Variants in MCUB observed in about 807,000 individuals in gnomAD.
MCUB encodes mitochondrial calcium uniporter dominant negative subunit beta.
Under a neutral mutation model 41.4 loss-of-function variants are expected in MCUB, and 46 were observed. That is an observed-to-expected ratio of 1.11 (90% confidence interval 0.88 to 1.42). MCUB has a LOEUF of 1.42. MCUB is among the 40% of genes most tolerant of loss of function. The probability of loss-of-function intolerance (pLI) is 0.00; values close to 1 mark genes in which losing one functional copy is unlikely to be tolerated. For synonymous variants in MCUB, 148 were observed against 148.2 expected, an observed-to-expected ratio of 1.00 and a Z score of 0.01; for missense variants, 403 against 404.9, an observed-to-expected ratio of 1.00 and a Z score of 0.04.
chr4:109,663,357 A>G (rs752620630), intron 3 of MCUB, among the ~76,000 whole-genome samples: 7 of 152,276 alleles, frequency 4.6e-5, no homozygotes, highest in Admixed American at 2.0e-4. Context: ...GTTCAAAAAT[A>G]TAACAAAACC....
intron 1 of MCUB, among the ~76,000 whole-genome samples, chr4:109,564,111 G>T (rs1018308512): frequency 6.6e-6 from 1 of 151,990 alleles, no homozygotes; most frequent in Non-Finnish European, 1.5e-5. Flanking sequence ...ATTTATTTCT[G>T]CTTATAGGCT....
At chr4:109,666,771 G>C (rs547730889) in intron 4 of MCUB, among the ~76,000 whole-genome samples, 1 of 152,230 alleles carries the variant, frequency 6.6e-6, no homozygotes, top group South Asian at 2.1e-4. Context: ...ATTGCCCTCT[G>C]TTCCTGGTTT....
chr4:109,580,998 A>G (rs1038398192), intron 1 of MCUB, among the ~76,000 whole-genome samples: 1 of 152,222 alleles, frequency 6.6e-6, no homozygotes, highest in East Asian at 1.9e-4. Flanking sequence ...CAATCTACCA[A>G]TGACTTTCTT....
chr4:109,620,541 G>A (rs1410949420), intron 1 of MCUB, among the ~76,000 whole-genome samples: 4 of 150,020 alleles, frequency 2.7e-5, no homozygotes, highest in Non-Finnish European at 5.9e-5. Context: ...GAAGATAAGC[G>A]TTTGCTGAGA....
chr4:109,636,755 A>G (rs1728604197), intron 1 of MCUB, among the ~76,000 whole-genome samples: 1 of 152,184 alleles, frequency 6.6e-6, no homozygotes, highest in Non-Finnish European at 1.5e-5. Flanking sequence ...GAATCGCTTG[A>G]ACCTGGGAGG....
intron 1 of MCUB, among the ~76,000 whole-genome samples, chr4:109,584,962 T>C (rs1258749630): frequency 2.0e-5 from 3 of 152,206 alleles, no homozygotes; most frequent in African/African-American, 7.2e-5. Context: ...AGGTGTCTAT[T>C]AGGTCTGCTT....
At position 109,684,593 on chromosome 4, in the gene MCUB, A is replaced by G. The variant is rs1053680; in HGVS notation, c.763A>G (p.Ile255Val). 11,606 of 1,600,650 alleles carry G rather than the reference A, an allele frequency of 7.3e-3. 741 individuals are homozygous for G. In the African/African-American group the frequency reaches 0.14, roughly 19 times the overall value. ...WDIMEPVTYF[I>V]TFANSMVFFA... ...TATCATGGAGCCAGTTACATACTTC[A>G]TCACATTTGCAAATTCTATGGTCTT... Residue 255 changes from isoleucine (I) to valine (V), a missense_variant, in exon 6 of 8, where the codon ATC becomes GTC. Transcript: ENST00000394650.
At chr4:109,657,562 G>GCC (rs5860985) in intron 1 of MCUB, among the ~76,000 whole-genome samples, 1,923 of 152,284 alleles carry the variant, frequency 0.013, 38 homozygotes, top group African/African-American at 0.044. Flanking sequence ...ACTGTAAGGT[G>GCC]ATGCATTAAA....
intron 1 of MCUB, among the ~76,000 whole-genome samples, chr4:109,620,635 A>G (rs1356555596): frequency 2.6e-5 from 4 of 151,814 alleles, no homozygotes; most frequent in Non-Finnish European, 5.9e-5. Flanking sequence ...CTGTGCATTA[A>G]TGATCCTATG....
At chr4:109,612,505 A>G (rs1368689711) in intron 1 of MCUB, among the ~76,000 whole-genome samples, 1 of 151,904 alleles carries the variant, frequency 6.6e-6, no homozygotes, top group African/African-American at 2.4e-5. Flanking sequence ...ACCTCAGGTG[A>G]TCTGACTGCC....
chr4:109,662,766 T>A (rs1236112184), intron 3 of MCUB, among the ~76,000 whole-genome samples: 2 of 152,204 alleles, frequency 1.3e-5, no homozygotes, highest in Non-Finnish European at 2.9e-5. Flanking sequence ...GTCATTTACA[T>A]GTAAATTTTT....
intron 1 of MCUB, among the ~76,000 whole-genome samples, chr4:109,646,566 A>T (rs1728842677): frequency 6.6e-6 from 1 of 152,226 alleles, no homozygotes; most frequent in Admixed American, 6.5e-5. Flanking sequence ...GAATCACTCC[A>T]TTCATCTACT....
chr4:109,594,792 T>C (rs894698861), intron 1 of MCUB, among the ~76,000 whole-genome samples: 2 of 151,274 alleles, frequency 1.3e-5, no homozygotes, highest in African/African-American at 4.9e-5. Flanking sequence ...TTTTTTTTTT[T>C]AAGGAGAGAT....
chr4:109,612,355 C>T (rs1561227372), intron 1 of MCUB, among the ~76,000 whole-genome samples: 1 of 151,500 alleles, frequency 6.6e-6, no homozygotes. Context: ...CAACCACCAC[C>T]TCCCAGGTTC....
intron 1 of MCUB, among the ~76,000 whole-genome samples, chr4:109,607,363 G>T (rs1727902848): frequency 6.6e-6 from 1 of 151,732 alleles, no homozygotes; most frequent in South Asian, 2.1e-4. Flanking sequence ...GATTACAGGT[G>T]CTTGCCACCA....
At chr4:109,632,090 C>T (rs961300712) in intron 1 of MCUB, among the ~76,000 whole-genome samples, 3 of 152,134 alleles carry the variant, frequency 2.0e-5, no homozygotes, top group Non-Finnish European at 4.4e-5. Flanking sequence ...TATTAAGGAG[C>T]ACTAAGATCC....
intron 1 of MCUB, among the ~76,000 whole-genome samples, chr4:109,597,539 C>T (rs1285127246): frequency 3.4e-5 from 4 of 116,096 alleles, no homozygotes; most frequent in Admixed American, 8.5e-5. Flanking sequence ...CCGGACGGGG[C>T]GGCTGGCCGG....
At chr4:109,651,077 T>G (rs1338399937) in intron 1 of MCUB, among the ~76,000 whole-genome samples, 1 of 152,238 alleles carries the variant, frequency 6.6e-6, no homozygotes, top group Admixed American at 6.5e-5. Flanking sequence ...TTATTTTTCC[T>G]TTGGGATTAA....
At chr4:109,615,874 G>A (rs1413831739) in intron 1 of MCUB, among the ~76,000 whole-genome samples, 3 of 152,188 alleles carry the variant, frequency 2.0e-5, no homozygotes, top group Non-Finnish European at 4.4e-5. Flanking sequence ...TATATGTAGT[G>A]CTGAGGGAGA....
Sources: gnomAD v4.1 joint callset for allele counts (sites outside exome capture counted in the v4.1 genomes callset) on GRCh38, gnomAD v4.1.1 for gene constraint, MANE v1.5 for transcripts, NCBI Gene and HGNC (gene_info 2026-07-23, HGNC 2026-07-21) for gene names.